PPP2R5A: variants seen among roughly 807,000 people sequenced by gnomAD.
PPP2R5A encodes serine/threonine-protein phosphatase 2A 56 kDa regulatory subunit alpha isoform.
Under a neutral mutation model 64.2 loss-of-function variants are expected in PPP2R5A, and 25 were observed. The observed-to-expected ratio is 0.39, with a 90% CI of 0.28 to 0.54. The LOEUF is 0.54. Among genes scored for constraint, PPP2R5A ranks in the 20% least tolerant of loss-of-function variants. The pLI is 0.67. For synonymous variants in PPP2R5A, 198 were observed against 201.2 expected (o/e 0.98, Z 0.13); for missense variants, 425 against 576.3 (o/e 0.74, Z 2.69).
chr1:212,294,827 A>C (rs532390371), intron 1 of PPP2R5A, among the ~76,000 whole-genome samples: 66 of 152,260 alleles, frequency 4.3e-4, no homozygotes, highest in African/African-American at 1.5e-3. Context: ...AGGGGAGGGG[A>C]GTGATCAGGG....
chr1:212,322,457 T>G (rs1388604811), intron 1 of PPP2R5A, among the ~76,000 whole-genome samples: 1 of 152,218 alleles, frequency 6.6e-6, no homozygotes, highest in Non-Finnish European at 1.5e-5. Context: ...CATCTACAAA[T>G]GCAAAATATT....
chr1:212,316,392 A>G (rs1659153421), intron 1 of PPP2R5A, among the ~76,000 whole-genome samples: 1 of 152,230 alleles, frequency 6.6e-6, no homozygotes, highest in South Asian at 2.1e-4. Context: ...TCAAACAGCC[A>G]TAACATTTCC....
chr1:212,311,479 G>T (rs1659031942), intron 1 of PPP2R5A, among the ~76,000 whole-genome samples: 1 of 151,340 alleles, frequency 6.6e-6, no homozygotes, highest in Non-Finnish European at 1.5e-5. Context: ...AAAAAAAAAA[G>T]TATATATAGC....
chr1:212,357,944 G>A (rs1374230838), intron 11 of PPP2R5A: 3 of 152,282 alleles, frequency 2.0e-5, no homozygotes, highest in African/African-American at 7.2e-5. Context: ...CCACAGGTGT[G>A]CACCACCATA....
chr1:212,320,038 G>T (rs1348211927), intron 1 of PPP2R5A, among the ~76,000 whole-genome samples: 3 of 149,962 alleles, frequency 2.0e-5, no homozygotes, highest in Non-Finnish European at 4.4e-5. Context: ...TGGAGGGAAG[G>T]TCAGCAGATA....
chr1:212,345,836 G>C lies in PPP2R5A; in HGVS notation c.607G>C (p.Glu203Gln). ...LELFDSEDPR[E>Q]RDFLKTVLHR... ...GCTTTTTGATAGTGAAGATCCCAGA[G>C]AACGTGACTTCCTGAAGACTGTTCT... The change falls in exon 5 of 13, where the codon GAA (glutamate) becomes CAA (glutamine). Residue 203 changes from glutamate (E) to glutamine (Q), a missense_variant. By Grantham distance (29) the Glu-to-Gln change is conservative (BLOSUM62 2). This residue lies in a region of PPP2R5A where 140 missense variants were observed against 204.4 expected (regional missense o/e 0.68). Coordinates refer to ENST00000261461, the MANE Select transcript of PPP2R5A (RefSeq NM_006243.4). 6.2e-7 allele frequency: 1 copy of C among 1,609,818 alleles called. No homozygotes were observed. Among genetic ancestry groups the C allele is most frequent in the Non-Finnish European group, 8.5e-7 (1 of 1,178,816 alleles).
rs375502113 is a variant in PPP2R5A at position 212,309,419 on chromosome 1, T to C, written c.182-19716T>C. The C allele has an allele frequency of 1.7e-4, 210 of 1,249,594 alleles. No individual in the cohort carries two copies. In the African/African-American group the frequency reaches 2.7e-3, roughly 16 times the overall value. The allele number at this position is 1,249,594 out of a possible 1,614,324, so 77.4% of individuals were successfully genotyped here. ...GTGCGGATCTTCTTTTTTTTGTGGC[T>C]GTGGACACCTTTCAACATTGCCTTT... On this transcript the variant is annotated intron_variant, in intron 1 of 12. Transcript: ENST00000261461.
chr1:212,320,623 G>A (rs1306299001), intron 1 of PPP2R5A, among the ~76,000 whole-genome samples: 10 of 148,150 alleles, frequency 6.7e-5, no homozygotes, highest in Non-Finnish European at 1.1e-4. Flanking sequence ...CGGGCGGGGG[G>A]CTGACCTCCC....
rs1025098002 is a variant in PPP2R5A at position 212,342,038 on chromosome 1, A to T, written c.481-150A>T. The T allele has an allele frequency of 4.6e-5, 54 of 1,171,296 alleles. 1 individual carries two copies. Among genetic ancestry groups the T allele is most frequent in the South Asian group, 1.6e-4 (8 of 49,100 alleles). 72.6% of individuals were successfully genotyped at this position (1,171,296 alleles called of 1,614,324 possible). ...GTACAGGTGTGAATTTTTAAAAAAA[A>T]TTTTTTTTATCAACTCATTACATTT... is the stretch of plus-strand genomic sequence containing the variant. On this transcript the variant is annotated intron_variant, in intron 3 of 12. Transcript: ENST00000261461.
At chr1:212,326,592 G>A (rs1364039309) in intron 1 of PPP2R5A, among the ~76,000 whole-genome samples, 5 of 151,700 alleles carry the variant, frequency 3.3e-5, no homozygotes, top group Admixed American at 6.6e-5. Context: ...GTGAGACTCC[G>A]TCTCAAAAAA....
At chr1:212,313,266 T>G (rs1008895590) in intron 1 of PPP2R5A, among the ~76,000 whole-genome samples, 1 of 152,202 alleles carries the variant, frequency 6.6e-6, no homozygotes, top group African/African-American at 2.4e-5. Flanking sequence ...TTTGTTCAGT[T>G]TTTAGTAGTT....
intron 1 of PPP2R5A, among the ~76,000 whole-genome samples, chr1:212,311,472 A>G (rs1462139132): frequency 2.6e-5 from 4 of 152,202 alleles, no homozygotes; most frequent in African/African-American, 9.7e-5. Flanking sequence ...TCTCAAAAAA[A>G]AAAAAAGTAT....
chr1:212,300,853 A>G (rs996635484), intron 1 of PPP2R5A, among the ~76,000 whole-genome samples: 12 of 152,180 alleles, frequency 7.9e-5, no homozygotes, highest in African/African-American at 2.9e-4. Context: ...GGAAAATCCA[A>G]TTTAAAGAAT....
chr1:212,349,509 T>A (rs1393732369), intron 8 of PPP2R5A, among the ~76,000 whole-genome samples: 1 of 152,146 alleles, frequency 6.6e-6, no homozygotes, highest in East Asian at 1.9e-4. Context: ...ATGACCACAG[T>A]GAAATTTTAT....
chr1:212,311,351 C>G (rs1659027130), intron 1 of PPP2R5A, among the ~76,000 whole-genome samples: 1 of 151,992 alleles, frequency 6.6e-6, no homozygotes, highest in Non-Finnish European at 1.5e-5. Context: ...GCCTGTAGTC[C>G]CAGCTGCTCC....
At chr1:212,354,912 C>T (rs1252305876) in intron 8 of PPP2R5A, among the ~76,000 whole-genome samples, 2 of 152,192 alleles carry the variant, frequency 1.3e-5, no homozygotes, top group African/African-American at 4.8e-5. Flanking sequence ...AGCCTAGGAG[C>T]AAAAGGCTAC....
intron 12 of PPP2R5A, among the ~76,000 whole-genome samples, chr1:212,359,432 T>C (rs1346137267): frequency 3.9e-5 from 6 of 152,228 alleles, no homozygotes; most frequent in Non-Finnish European, 7.3e-5. Context: ...TGTTAGCACG[T>C]ATCAGCCTTT....
chr1:212,347,147 A>G (rs1048242258), intron 5 of PPP2R5A, among the ~76,000 whole-genome samples, 200 bp from the exon 6 acceptor site: 1 of 152,230 alleles, frequency 6.6e-6, no homozygotes, highest in Non-Finnish European at 1.5e-5. Context: ...GCAAAGGCAT[A>G]TGTAGTTCAG....
At chr1:212,317,492 C>T (rs879696454) in intron 1 of PPP2R5A, among the ~76,000 whole-genome samples, 14 of 132,452 alleles carry the variant, frequency 1.1e-4, no homozygotes, top group Middle Eastern at 3.8e-3. Flanking sequence ...TTTTCAAACT[C>T]GTTTTCACTG....
Sources: gnomAD v4.1 joint callset for allele counts (sites outside exome capture counted in the v4.1 genomes callset) on GRCh38, gnomAD v4.1.1 for gene constraint, gnomAD v4.1.1 regional missense constraint, MANE v1.5 for transcripts, NCBI Gene and HGNC (gene_info 2026-07-23, HGNC 2026-07-21) for gene names.